ATM: variants seen among roughly 807,000 people sequenced by gnomAD.
The protein encoded by ATM is ATM serine/threonine kinase.
ATM carries 308 observed loss-of-function variants against 387.0 expected under a neutral mutation model. The ratio of observed to expected loss-of-function variants is 0.80; its 90% CI spans 0.73 to 0.87. The LOEUF (loss-of-function observed/expected upper bound fraction) is 0.87. Ranked by LOEUF, ATM falls within the 40% of genes least tolerant of loss-of-function variation. The pLI, the probability that ATM is intolerant of heterozygous loss-of-function variation, is 0.00. For synonymous variants in ATM, 1,156 were observed against 1,187.3 expected (o/e 0.97, Z 0.54); for missense variants, 3,312 against 3,560.9 (o/e 0.93, Z 1.78).
In ATM at chr11:108,326,209, A is replaced by G. The variant is rs1060501640; in HGVS notation, c.6959A>G (p.Asp2320Gly). 3.7e-6 allele frequency: 6 copies of G among 1,614,144 alleles called. No individual in the cohort carries two copies. Among genetic ancestry groups the G allele is most frequent in the Non-Finnish European group, 5.1e-6 (6 of 1,180,018 alleles). Residue 2320 changes from aspartate to glycine, a missense_variant, in exon 47 of 63, where the codon GAT becomes GGT. Coordinates refer to ENST00000675843, the MANE Select transcript of ATM (RefSeq NM_000051.4). The stretch of plus-strand genomic sequence containing the variant: ...CTCAAGCAAATGATCAAGAAGTTGG[A>G]TGCCAGCTGTGCAGCGGTTTGTTTT... ...SILKQMIKKL[D>G]ASCAANNPSL...
In ATM at chr11:108,331,577, A is replaced by C. The variant is rs2086239323; in HGVS notation, c.7629+20A>C. 4 of 1,589,430 alleles carry C rather than the reference A, an allele frequency of 2.5e-6. No individual in the cohort carries two copies. The Admixed American group carries it at 6.9e-5, about 27-fold the overall frequency. On this transcript the variant is annotated intron_variant, in intron 51 of 62. Coordinates refer to ENST00000675843, the MANE Select transcript of ATM (RefSeq NM_000051.4). ...AATAATGTAAGTAAACCTGAAAATC[A>C]AACCACAATAATTATTTTTATTCTA... is the stretch of plus-strand genomic sequence containing the variant.
rs753616906 is a variant in ATM, at chr11:108,243,927, A to G, written c.497-26A>G. On this transcript the variant is annotated intron_variant, in intron 5 of 62. Coordinates refer to ENST00000675843, the MANE Select transcript of ATM (RefSeq NM_000051.4). The stretch of plus-strand genomic sequence containing the variant: ...ACATTTTGATTTTTAAAAAATCATG[A>G]CTAATAATTTTTTTTTTTTTTTAAG... 3.4e-6 allele frequency: 5 copies of G among 1,460,984 alleles called. No homozygotes were observed. In the African/African-American group the frequency reaches 7.1e-5, roughly 21 times the overall value. 90.5% of individuals were successfully genotyped at this position (1,460,984 alleles called of 1,614,324 possible).
intron 34 of ATM, among the ~76,000 whole-genome samples, chr11:108,300,881 T>A (rs985888128): frequency 2.1e-5 from 3 of 143,498 alleles, no homozygotes; most frequent in African/African-American, 7.6e-5. Context: ...TCTCTCTCTT[T>A]TTTTTTTTTT....
At position 108,250,683 on chromosome 11, in the gene ATM, CTT is replaced by C. The variant is rs34325032; in HGVS notation, c.1236-4_1236-3del. 4.5e-3 allele frequency: 6,677 copies of C among 1,476,638 alleles called. No homozygotes were observed. Among genetic ancestry groups the C allele is most frequent in the Admixed American group, 6.2e-3 (327 of 52,448 alleles). The allele number at this position is 1,476,638 out of a possible 1,614,324, so 91.5% of individuals were successfully genotyped here. A position where few individuals can be genotyped will look rare whatever the true frequency, so the allele number is the denominator to read the frequency against. Reference sequence around the variant, plus strand: ...GTGATGGAATAGTTTTCAAATTATCCTTTTTTTTTTTTTTTAGGCTACAGATT... The same window carrying C: ...GTGATGGAATAGTTTTCAAATTATCCTTTTTTTTTTTTTAGGCTACAGATT... On this transcript the variant is annotated splice_polypyrimidine_tract_variant and intron_variant, in intron 9 of 62. Transcript: ENST00000675843.
chr11:108,267,509 A>G (rs960001221), intron 17 of ATM, among the ~76,000 whole-genome samples, 167 bp downstream of exon 17: 55 of 150,840 alleles, frequency 3.6e-4, no homozygotes, highest in African/African-American at 1.3e-3. Flanking sequence ...TTTTTACTTG[A>G]ATTTATTAGT....
intron 16 of ATM, among the ~76,000 whole-genome samples, chr11:108,262,672 A>G (rs1379751932): frequency 6.6e-6 from 1 of 151,832 alleles, no homozygotes; most frequent in Non-Finnish European, 1.5e-5. Flanking sequence ...TGCTCCAATT[A>G]AAAGACACAG....
At chr11:108,340,231 C>T (rs2087375987) in intron 56 of ATM, 1 of 152,128 alleles carries the variant, frequency 6.6e-6, no homozygotes, top group African/African-American at 2.4e-5. Context: ...CCCCCTTGTA[C>T]TTGTCACTCA....
rs876660963 is a variant in ATM, at chr11:108,258,980, T to A, written c.2377-6T>A. ...TTGCTTGGTTCTTTGTTTGTCTTAA[T>A]TGCAGAAGAGTCCAAATAAGATTGC... is the stretch of plus-strand genomic sequence containing the variant. On this transcript the variant is annotated splice_region_variant and splice_polypyrimidine_tract_variant and intron_variant, in intron 15 of 62. Transcript: ENST00000675843. 11 of 1,610,774 alleles carry A rather than the reference T, an allele frequency of 6.8e-6. No individual in the cohort carries two copies. Among genetic ancestry groups the A allele is most frequent in the Non-Finnish European group, 9.3e-6 (11 of 1,177,282 alleles).
chr11:108,295,067 T>C lies in ATM; in HGVS notation c.4909+8T>C, dbSNP rs2135838639. 6.2e-7 allele frequency: 1 copy of C among 1,613,732 alleles called. No individual in the cohort carries two copies. Among genetic ancestry groups the C allele is most frequent in the East Asian group, 2.2e-5 (1 of 44,812 alleles). ...TTATGAGAGCTTCTCAGGGTGCTAA[T>C]TTTAAATGACATGGGCTATTTCTAC... On this transcript the variant is annotated splice_region_variant and intron_variant, in intron 32 of 62. Coordinates refer to ENST00000675843, the MANE Select transcript of ATM (RefSeq NM_000051.4).
At chr11:108,228,382 C>A (rs2078848438) in intron 3 of ATM, among the ~76,000 whole-genome samples, 1 of 152,140 alleles carries the variant, frequency 6.6e-6, no homozygotes, top group South Asian at 2.1e-4. Context: ...GAGTGGCAAA[C>A]AGGGTTGATG....
chr11:108,352,849 T>C (rs1225893154), intron 59 of ATM, among the ~76,000 whole-genome samples: 1 of 152,212 alleles, frequency 6.6e-6, no homozygotes, highest in Non-Finnish European at 1.5e-5. Flanking sequence ...CTTCCATTTA[T>C]ATAACATACT....
At chr11:108,299,578 T>G in intron 33 of ATM, 136 bp from the exon 34 acceptor site, 13 of 852,312 alleles carry the variant, frequency 1.5e-5, no homozygotes, top group East Asian at 2.6e-5. Context: ...ATTACAGTCG[T>G]GAGCCACCGC....
At chr11:108,301,148 A>C (rs2083409746) in intron 34 of ATM, among the ~76,000 whole-genome samples, 1 of 152,142 alleles carries the variant, frequency 6.6e-6, no homozygotes, top group Admixed American at 6.6e-5. Context: ...GCGAGCATTA[A>C]ATGTTTCATT....
intron 22 of ATM, among the ~76,000 whole-genome samples, chr11:108,276,172 C>A (rs1430532166): frequency 6.6e-6 from 1 of 152,188 alleles, no homozygotes; most frequent in Non-Finnish European, 1.5e-5. Flanking sequence ...CTTGCGTATG[C>A]TTCACGATGT....
chr11:108,270,198 T>C (rs886578376), intron 18 of ATM, among the ~76,000 whole-genome samples: 3 of 152,200 alleles, frequency 2.0e-5, no homozygotes, highest in South Asian at 2.1e-4. Flanking sequence ...TTTCTGTGCA[T>C]AGTACCATAA....
intron 21 of ATM, 37 bp from the exon 22 acceptor site, chr11:108,272,684 TC>T: frequency 6.2e-7 from 1 of 1,613,624 alleles, no homozygotes; most frequent in African/African-American, 1.3e-5. Flanking sequence ...GAGTAATTTT[TC>T]TCTATTTCAT....
intron 49 of ATM, chr11:108,329,441 C>T (rs1454583542): frequency 3.5e-6 from 2 of 572,224 alleles, no homozygotes; most frequent in Non-Finnish European, 6.1e-6. Flanking sequence ...AGGTCTCACT[C>T]TGTCACCCAG....
intron 38 of ATM, 49 bp downstream of exon 38, chr11:108,308,033 T>G (rs1189895847): frequency 6.6e-7 from 1 of 1,517,540 alleles, no homozygotes; most frequent in Non-Finnish European, 9.1e-7. Context: ...GAGTGTAACT[T>G]GTTAACTATC....
At chr11:108,292,512 A>AT in intron 29 of ATM, 107 bp from the exon 30 acceptor site, 1 of 1,292,308 alleles carries the variant, frequency 7.7e-7, no homozygotes, top group Admixed American at 1.8e-5. Context: ...ATGTCAAGGC[A>AT]TATAAGAATT....
Sources: allele counts gnomAD v4.1 joint callset (sites outside exome capture counted in the v4.1 genomes callset), GRCh38; gene constraint gnomAD v4.1.1; transcripts MANE v1.5; gene names NCBI Gene and HGNC (gene_info 2026-07-23, HGNC 2026-07-21).